The following ADAMTS3 variants were observed in gnomAD, a reference collection of about 807,000 sequenced individuals.
The protein encoded by ADAMTS3 is A disintegrin and metalloproteinase with thrombospondin motifs 3.
In ADAMTS3, 73 loss-of-function variants were observed where a neutral mutation model predicts 129.0. The ratio of observed to expected loss-of-function variants is 0.57; its 90% confidence interval spans 0.47 to 0.69. ADAMTS3 has a LOEUF of 0.69. Among genes scored for constraint, ADAMTS3 ranks in the 30% least tolerant of loss-of-function variants. The pLI is 0.00. For synonymous variants in ADAMTS3, 477 were observed against 510.8 expected (o/e 0.93, Z 0.89); for missense variants, 1,457 against 1,514.5 (o/e 0.96, Z 0.63).
chr4:72,543,829 C>T (rs1008394091), intron 3 of ADAMTS3, among the ~76,000 whole-genome samples: 13 of 151,974 alleles, frequency 8.6e-5, no homozygotes, highest in Admixed American at 8.5e-4. Context: ...TACTTAACAC[C>T]ACTGAACTGT....
chr4:72,430,166 T>TAA, intron 3 of ADAMTS3, among the ~76,000 whole-genome samples: 1 of 151,972 alleles, frequency 6.6e-6, no homozygotes, highest in Non-Finnish European at 1.5e-5. Context: ...AGTGTGACCT[T>TAA]GGCACTCCCT....
At position 72,549,698 on chromosome 4, in the gene ADAMTS3, G is replaced by A. The variant is rs376320043; in HGVS notation, c.98-814C>T. Among the ~76,000 whole-genome samples the A allele has an allele frequency of 7.2e-5, 11 of 151,756 alleles. 1 individual carries two copies. The highest frequency in any genetic ancestry group is 1.2e-4 in the African/African-American group (5 of 41,312). ...TCATTTTGCACCTTATTCCTTAAGT[G>A]GGACAGATATCTATTAGAATATGAA... On this transcript the variant is annotated intron_variant, in intron 2 of 21. Transcript: ENST00000286657.
chr4:72,518,665 C>CT (rs979561531), intron 3 of ADAMTS3, among the ~76,000 whole-genome samples: 2 of 151,874 alleles, frequency 1.3e-5, no homozygotes, highest in East Asian at 1.9e-4. Flanking sequence ...GCAACCCCTG[C>CT]TTTTTTTTGT....
chr4:72,317,944 G>C (rs541372040), intron 10 of ADAMTS3, among the ~76,000 whole-genome samples: 8 of 151,862 alleles, frequency 5.3e-5, no homozygotes, highest in Non-Finnish European at 1.0e-4. Context: ...CGGGAGAATT[G>C]CTTGAACTCA....
intron 3 of ADAMTS3, among the ~76,000 whole-genome samples, chr4:72,543,789 G>A (rs758217209): frequency 3.3e-5 from 5 of 152,018 alleles, no homozygotes; most frequent in Admixed American, 3.3e-4. Flanking sequence ...GGAGATGGAT[G>A]GTAGTGATGG....
At chr4:72,396,875 T>A (rs775556944) in intron 4 of ADAMTS3, among the ~76,000 whole-genome samples, 6 of 152,208 alleles carry the variant, frequency 3.9e-5, no homozygotes, top group Non-Finnish European at 8.8e-5. Context: ...GTTGCGCTTT[T>A]ATTTTAAAAT....
chr4:72,402,434 G>C (rs762629915), intron 4 of ADAMTS3, among the ~76,000 whole-genome samples: 14 of 152,066 alleles, frequency 9.2e-5, no homozygotes, highest in Non-Finnish European at 1.9e-4. Context: ...AATACCATAG[G>C]TGTTCATCTA....
intron 3 of ADAMTS3, among the ~76,000 whole-genome samples, chr4:72,523,882 G>T (rs917800075): frequency 1.1e-4 from 17 of 152,088 alleles, no homozygotes; most frequent in Non-Finnish European, 2.2e-4. Flanking sequence ...TATGTAAATT[G>T]ATCTACAATT....
rs180905598 is a variant in ADAMTS3, at chr4:72,438,827, C to T, written c.505-23856G>A. On this transcript the variant is annotated intron_variant, in intron 3 of 21. Transcript: ENST00000286657. ...AGGGCAAACCAGGACAACTGGTCGC[C>T]CTCTCTGCACTACATTTTGAGAACG... Among the ~76,000 whole-genome samples, 307 of 151,776 alleles carry T rather than the reference C, an allele frequency of 2.0e-3. 2 individuals are homozygous for T. The highest frequency in any genetic ancestry group is 5.5e-3 in the African/African-American group (230 of 41,462).
intron 3 of ADAMTS3, among the ~76,000 whole-genome samples, chr4:72,467,205 G>A (rs2046192): frequency 0.25 from 37,655 of 151,668 alleles, 5,072 homozygotes; most frequent in East Asian, 0.45. Flanking sequence ...ATTTCTAACT[G>A]CCAAGTCTGC....
intron 3 of ADAMTS3, among the ~76,000 whole-genome samples, chr4:72,532,491 GCACACACACACA>G (rs35399046): frequency 1.7e-4 from 26 of 148,792 alleles, no homozygotes; most frequent in African/African-American, 5.7e-4. Flanking sequence ...AATTTAATAT[GCACACACACACA>G]CACACACACA....
At chr4:72,499,403 C>T (rs1272216967) in intron 3 of ADAMTS3, among the ~76,000 whole-genome samples, 2 of 152,118 alleles carry the variant, frequency 1.3e-5, no homozygotes, top group Non-Finnish European at 2.9e-5. Flanking sequence ...AGGATAATCT[C>T]CTCCTACAGG....
intron 3 of ADAMTS3, among the ~76,000 whole-genome samples, chr4:72,463,211 C>G (rs1337805641): frequency 6.6e-6 from 1 of 151,972 alleles, no homozygotes; most frequent in Non-Finnish European, 1.5e-5. Context: ...AAGGCATAGC[C>G]TAGGTGTGTA....
intron 4 of ADAMTS3, among the ~76,000 whole-genome samples, chr4:72,340,357 A>G (rs1239075423): frequency 2.6e-5 from 4 of 150,960 alleles, no homozygotes; most frequent in African/African-American, 9.8e-5. Context: ...GTGTGTGTGG[A>G]TAAGATAGTA....
At chr4:72,416,291 TG>T (rs1473562511) in intron 3 of ADAMTS3, among the ~76,000 whole-genome samples, 2 of 151,798 alleles carry the variant, frequency 1.3e-5, no homozygotes, top group African/African-American at 2.4e-5. Context: ...CTTTCTGTTC[TG>T]ACTTCTACAC....
intron 4 of ADAMTS3, among the ~76,000 whole-genome samples, chr4:72,398,742 T>G (rs1721792709): frequency 6.6e-6 from 1 of 152,168 alleles, no homozygotes; most frequent in Non-Finnish European, 1.5e-5. Context: ...GAAAGAAACG[T>G]GTGACACCAG....
chr4:72,478,309 A>G (rs868534594), intron 3 of ADAMTS3, among the ~76,000 whole-genome samples: 1 of 151,386 alleles, frequency 6.6e-6, no homozygotes, highest in African/African-American at 2.4e-5. Flanking sequence ...TACTGGCAAA[A>G]CGAATCCAGC....
At chr4:72,303,247 C>T (rs1308790773) in intron 17 of ADAMTS3, among the ~76,000 whole-genome samples, 1 of 152,058 alleles carries the variant, frequency 6.6e-6, no homozygotes, top group East Asian at 1.9e-4. Context: ...TAGGTAGTGG[C>T]CCCACTTGCA....
intron 4 of ADAMTS3, among the ~76,000 whole-genome samples, chr4:72,400,324 GTA>G (rs1553912328): frequency 2.2e-5 from 3 of 133,692 alleles, no homozygotes; most frequent in Non-Finnish European, 4.8e-5. Flanking sequence ...CATGGTGTGT[GTA>G]TATATACACA....
Sources: allele counts gnomAD v4.1 joint callset (sites outside exome capture counted in the v4.1 genomes callset), GRCh38; gene constraint gnomAD v4.1.1; transcripts MANE v1.5; gene names NCBI Gene and HGNC (gene_info 2026-07-23, HGNC 2026-07-21).